Variants in LSAMP observed in about 807,000 individuals in gnomAD.
LSAMP encodes the protein limbic system associated membrane protein.
LSAMP carries 7 observed loss-of-function variants against 38.6 expected under a neutral mutation model. That is an observed-to-expected ratio of 0.18 (90% CI 0.10 to 0.34). The LOEUF (loss-of-function observed/expected upper bound fraction) is 0.34. LSAMP is among the 10% of genes least tolerant of loss of function. LSAMP has a pLI of 1.00. For missense variants in LSAMP, 313 were observed against 420.0 expected (o/e 0.75, Z 2.23); for synonymous variants, 154 against 166.8 (o/e 0.92, Z 0.59).
chr3:115,846,017 T>A (rs558076290), intron 4 of LSAMP, among the ~76,000 whole-genome samples: 32 of 152,350 alleles, frequency 2.1e-4, no homozygotes, highest in African/African-American at 7.2e-4. Context: ...AATGACACCA[T>A]GGTGCAAGTT....
intron 3 of LSAMP, among the ~76,000 whole-genome samples, chr3:115,853,523 C>G (rs532396460): frequency 1.3e-5 from 2 of 152,212 alleles, no homozygotes; most frequent in Admixed American, 1.3e-4. Flanking sequence ...TGTTTAAATT[C>G]CCCTATGTGG....
At chr3:116,222,301 T>C (rs2046295028) in intron 1 of LSAMP, among the ~76,000 whole-genome samples, 1 of 151,970 alleles carries the variant, frequency 6.6e-6, no homozygotes, top group Non-Finnish European at 1.5e-5. Context: ...TAGATACTTT[T>C]TTTTTAATGC....
intron 1 of LSAMP, among the ~76,000 whole-genome samples, chr3:116,090,165 T>C (rs995791207): frequency 6.7e-6 from 1 of 148,380 alleles, no homozygotes; most frequent in Non-Finnish European, 1.5e-5. Flanking sequence ...CAGTGAGCTA[T>C]GATCACATCA....
At chr3:116,315,428 A>G (rs1264961025) in intron 1 of LSAMP, among the ~76,000 whole-genome samples, 1 of 152,118 alleles carries the variant, frequency 6.6e-6, no homozygotes, top group South Asian at 2.1e-4. Context: ...TTACATATCT[A>G]TGTTAGAAAT....
chr3:115,961,730 C>A (rs371484279), intron 3 of LSAMP, among the ~76,000 whole-genome samples: 1 of 152,196 alleles, frequency 6.6e-6, no homozygotes, highest in East Asian at 1.9e-4. Flanking sequence ...TGCTTAAAGA[C>A]CACAGTAATT....
intron 1 of LSAMP, among the ~76,000 whole-genome samples, chr3:116,230,609 A>G (rs1334266259): frequency 6.6e-6 from 1 of 152,134 alleles, no homozygotes; most frequent in Non-Finnish European, 1.5e-5. Context: ...TGGCTCAATC[A>G]GTGTGAAGAC....
intron 1 of LSAMP, among the ~76,000 whole-genome samples, chr3:116,265,300 C>T (rs559880291): frequency 1.5e-4 from 23 of 152,184 alleles, no homozygotes; most frequent in African/African-American, 5.1e-4. Flanking sequence ...GGGAGCTTGG[C>T]GCTTGTTTGA....
At chr3:116,368,216 G>A (rs1324890970) in intron 1 of LSAMP, 1 of 152,234 alleles carries the variant, frequency 6.6e-6, no homozygotes, top group Non-Finnish European at 1.5e-5. Context: ...AGAGGAGGAG[G>A]AGAATGCTCC....
At chr3:116,193,186 A>G (rs1471219477) in intron 1 of LSAMP, among the ~76,000 whole-genome samples, 1 of 152,210 alleles carries the variant, frequency 6.6e-6, no homozygotes, top group Non-Finnish European at 1.5e-5. Flanking sequence ...TGAGACTGCT[A>G]TGCTTGCAAT....
chr3:116,311,661 T>C (rs1559823738), intron 1 of LSAMP, among the ~76,000 whole-genome samples: 1 of 152,196 alleles, frequency 6.6e-6, no homozygotes, highest in East Asian at 1.9e-4. Context: ...CACTACGAGC[T>C]GGAGGAAATT....
At chr3:115,849,532 T>G (rs1028461758) in intron 4 of LSAMP, among the ~76,000 whole-genome samples, 4 of 152,176 alleles carry the variant, frequency 2.6e-5, no homozygotes, top group Admixed American at 6.5e-5. Context: ...ATAATCTATT[T>G]GGCCAGTAGT....
At chr3:116,140,777 A>G (rs980581589) in intron 1 of LSAMP, among the ~76,000 whole-genome samples, 3 of 151,978 alleles carry the variant, frequency 2.0e-5, no homozygotes, top group African/African-American at 7.2e-5. Context: ...TACAGATAAA[A>G]TGAGTATCTG....
At position 115,850,142 on chromosome 3, in the gene LSAMP, C is replaced by A. The variant is rs1212233935; in HGVS notation, c.649+2341G>T. 2.0e-5 allele frequency among the ~76,000 whole-genome samples: 3 copies of A among 152,282 alleles called. No individual in the cohort carries two copies. In the East Asian group the frequency reaches 5.8e-4, roughly 29 times the overall value. On this transcript the variant is annotated intron_variant, in intron 4 of 6. Coordinates refer to ENST00000490035, the MANE Select transcript of LSAMP (RefSeq NM_002338.5). Reference sequence around the variant, plus strand: ...CATCACTAGCAAAAGCTCACATTTTCATAAAAGTCTTTTCTTGAAAATTAT... The same window carrying A: ...CATCACTAGCAAAAGCTCACATTTTAATAAAAGTCTTTTCTTGAAAATTAT...
intron 1 of LSAMP, among the ~76,000 whole-genome samples, chr3:116,097,708 CA>C (rs1303660995): frequency 6.6e-6 from 1 of 151,860 alleles, no homozygotes; most frequent in African/African-American, 2.4e-5. Context: ...AAGATAAAGG[CA>C]GGTGCATATG....
At chr3:116,425,796 G>C (rs1447682439) in intron 1 of LSAMP, among the ~76,000 whole-genome samples, 2 of 151,676 alleles carry the variant, frequency 1.3e-5, no homozygotes, top group Non-Finnish European at 2.9e-5. Flanking sequence ...AAAAATTAAT[G>C]TTTTTTGAGA....
At position 116,301,636 on chromosome 3, in the gene LSAMP, A is replaced by G. The variant is rs182519637; in HGVS notation, c.155+143241T>C. Among the ~76,000 whole-genome samples, 71 of 152,248 alleles carry G rather than the reference A, an allele frequency of 4.7e-4. 1 individual carries two copies. The East Asian group carries it at 0.013, about 29-fold the overall frequency. On this transcript the variant is annotated intron_variant, in intron 1 of 6. Coordinates refer to ENST00000490035, the MANE Select transcript of LSAMP (RefSeq NM_002338.5). The stretch of plus-strand genomic sequence containing the variant: ...AAAATTTATGCATTTCATTGGATTG[A>G]GTCACTGGAGATATAACTGGGCCCC...
chr3:116,020,827 A>C (rs1940617964), intron 2 of LSAMP, among the ~76,000 whole-genome samples: 1 of 152,216 alleles, frequency 6.6e-6, no homozygotes, highest in Non-Finnish European at 1.5e-5. Flanking sequence ...TCCCTGAGAA[A>C]GTATGTGTCT....
At chr3:116,309,423 T>C (rs1461223037) in intron 1 of LSAMP, among the ~76,000 whole-genome samples, 1 of 152,084 alleles carries the variant, frequency 6.6e-6, no homozygotes, top group Non-Finnish European at 1.5e-5. Context: ...AGCCCTTGAA[T>C]TGTGATTAGT....
chr3:116,008,283 A>T (rs549130600), intron 3 of LSAMP, among the ~76,000 whole-genome samples: 1 of 152,330 alleles, frequency 6.6e-6, no homozygotes, highest in Non-Finnish European at 1.5e-5. Flanking sequence ...AACTTACTTA[A>T]ACCCATATAA....
Sources: gnomAD v4.1 joint callset for allele counts (sites outside exome capture counted in the v4.1 genomes callset) on GRCh38, gnomAD v4.1.1 for gene constraint, MANE v1.5 for transcripts, NCBI Gene and HGNC (gene_info 2026-07-23, HGNC 2026-07-21) for gene names.